The following OCA2 variants were observed in gnomAD, a reference collection of about 807,000 sequenced individuals.
OCA2 encodes OCA2 melanosomal transmembrane protein, also known as P protein.
OCA2 carries 77 observed loss-of-function variants against 100.2 expected under a neutral mutation model. The observed-to-expected ratio is 0.77, with a 90% CI of 0.64 to 0.93. The LOEUF is 0.93. Among genes scored for constraint, OCA2 ranks in the 40% least tolerant of loss-of-function variants. The pLI is 0.00. For synonymous variants in OCA2, 432 were observed against 439.2 expected, an observed-to-expected ratio of 0.98 and a Z score of 0.21; for missense variants, 1,062 against 1,089.1, an observed-to-expected ratio of 0.98 and a Z score of 0.35.
intron 1 of OCA2, among the ~76,000 whole-genome samples, chr15:28,091,361 C>A (rs550813140): frequency 6.6e-6 from 1 of 152,074 alleles, no homozygotes; most frequent in African/African-American, 2.4e-5. Context: ...AGATACAGTA[C>A]AAAGAAAAAA....
At chr15:28,070,292 C>T (rs2044196940) in intron 2 of OCA2, among the ~76,000 whole-genome samples, 1 of 145,190 alleles carries the variant, frequency 6.9e-6, no homozygotes, top group African/African-American at 2.7e-5. Flanking sequence ...CCGGCAGCCA[C>T]CCCGTCCGGG....
chr15:28,001,544 CA>C (rs2041925593), intron 9 of OCA2, among the ~76,000 whole-genome samples: 1 of 152,124 alleles, frequency 6.6e-6, no homozygotes, highest in Admixed American at 6.6e-5. Flanking sequence ...CTACATTTCT[CA>C]TTTAAAACAT....
chr15:27,899,495 A>C (rs539739256), intron 19 of OCA2, among the ~76,000 whole-genome samples: 1 of 152,356 alleles, frequency 6.6e-6, no homozygotes, highest in African/African-American at 2.4e-5. Flanking sequence ...GAAATGTTAG[A>C]AACATTTTAC....
intron 3 of OCA2, among the ~76,000 whole-genome samples, chr15:28,030,871 A>T (rs2042889375): frequency 6.6e-6 from 1 of 152,232 alleles, no homozygotes; most frequent in Non-Finnish European, 1.5e-5. Context: ...CATAAAAGGC[A>T]GCTGTGGCCT....
At chr15:28,057,331 A>G (rs2043733306) in intron 2 of OCA2, among the ~76,000 whole-genome samples, 1 of 152,188 alleles carries the variant, frequency 6.6e-6, no homozygotes, top group South Asian at 2.1e-4. Flanking sequence ...GCTCATGGAA[A>G]TCAACTCTAT....
At chr15:27,995,868 A>C (rs1289574191) in intron 9 of OCA2, among the ~76,000 whole-genome samples, 1 of 148,118 alleles carries the variant, frequency 6.8e-6, no homozygotes, top group Non-Finnish European at 1.5e-5. Context: ...GCTGGAGTGC[A>C]GTGGTACAGT....
At chr15:27,891,614 C>T (rs1399726906) in intron 19 of OCA2, among the ~76,000 whole-genome samples, 2 of 152,204 alleles carry the variant, frequency 1.3e-5, no homozygotes, top group African/African-American at 4.8e-5. Flanking sequence ...TGCATCTCAT[C>T]ACTTGCATGG....
At chr15:27,999,225 A>T (rs2041851691) in intron 9 of OCA2, among the ~76,000 whole-genome samples, 1 of 152,194 alleles carries the variant, frequency 6.6e-6, no homozygotes, top group African/African-American at 2.4e-5. Context: ...ACAAAATACT[A>T]GCAAACTGAA....
At chr15:27,844,449 C>T (rs2035458267) in intron 23 of OCA2, among the ~76,000 whole-genome samples, 1 of 152,248 alleles carries the variant, frequency 6.6e-6, no homozygotes, top group Admixed American at 6.5e-5. Flanking sequence ...TTCCTGGCCC[C>T]CTGACTCAAC....
Position 27,777,588 on chromosome 15 carries a change from G to A in OCA2, c.2433-22116C>T, listed in dbSNP as rs116256212. Among the ~76,000 whole-genome samples, 1,299 of 152,278 alleles carry A rather than the reference G, an allele frequency of 8.5e-3. 17 individuals carry two copies. Among genetic ancestry groups the A allele is most frequent in the African/African-American group, 0.028 (1,179 of 41,552 alleles). Reference sequence around the variant, plus strand: ...GAAATGCTGTTTGGCTTGTCCATGTGCACACATTTTTTATTCACATGCACA... The same window carrying A: ...GAAATGCTGTTTGGCTTGTCCATGTACACACATTTTTTATTCACATGCACA... On this transcript the variant is annotated intron_variant, in intron 23 of 23. Transcript: ENST00000354638.
rs117288193 is a variant in OCA2, at chr15:27,934,855, G to A, written c.1952-8601C>T. Reference sequence around the variant, plus strand: ...TAGCCTACAATCGAATGAAGACCTTGTCCCTGCAAAACCTCAATTCCCTCT... The same window carrying A: ...TAGCCTACAATCGAATGAAGACCTTATCCCTGCAAAACCTCAATTCCCTCT... On this transcript the variant is annotated intron_variant, in intron 18 of 23. Transcript: ENST00000354638. 3.0e-3 allele frequency among the ~76,000 whole-genome samples: 463 copies of A among 152,304 alleles called. 1 individual carries two copies. Among genetic ancestry groups the A allele is most frequent in the Non-Finnish European group, 5.4e-3 (364 of 68,026 alleles).
chr15:27,991,495 A>T (rs970544288), intron 9 of OCA2, among the ~76,000 whole-genome samples: 1 of 152,226 alleles, frequency 6.6e-6, no homozygotes, highest in Non-Finnish European at 1.5e-5. Context: ...GGGTCGGTCC[A>T]TCTATATGAA....
intron 19 of OCA2, among the ~76,000 whole-genome samples, chr15:27,920,385 C>T (rs1312106265): frequency 1.3e-5 from 2 of 152,102 alleles, no homozygotes; most frequent in Non-Finnish European, 2.9e-5. Context: ...CAAAGAAGGA[C>T]ATTTTATTAT....
intron 19 of OCA2, among the ~76,000 whole-genome samples, chr15:27,898,833 A>AT (rs2151635574): frequency 6.6e-6 from 1 of 152,344 alleles, no homozygotes; most frequent in East Asian, 1.9e-4. Flanking sequence ...TCTTAATAAA[A>AT]TTATCCTAGC....
rs569162357 is a variant in OCA2, at chr15:27,767,041, G to A, written c.2433-11569C>T. 3.3e-5 allele frequency among the ~76,000 whole-genome samples: 5 copies of A among 152,180 alleles called. No individual in the cohort carries two copies. In the South Asian group the frequency reaches 1.0e-3, roughly 32 times the overall value. On this transcript the variant is annotated intron_variant, in intron 23 of 23. Transcript: ENST00000354638. ...CCCAGTTCCCAAATACCGGCCTCTG[G>A]AGTTGGGCTACATGGCTTCTCCCTT...
At chr15:27,970,536 G>A (rs534658108) in intron 14 of OCA2, among the ~76,000 whole-genome samples, 1 of 151,096 alleles carries the variant, frequency 6.6e-6, no homozygotes, top group Non-Finnish European at 1.5e-5. Context: ...GTGGGAAAAT[G>A]TAAAGAATGT....
intron 19 of OCA2, among the ~76,000 whole-genome samples, chr15:27,922,680 G>GGTGT (rs60426286): frequency 0.024 from 3,475 of 147,112 alleles, 39 homozygotes; most frequent in Non-Finnish European, 0.029. Context: ...TTTTGTTTGG[G>GGTGT]GTGTGTGTGT....
At chr15:27,960,693 G>A (rs919554950) in intron 15 of OCA2, among the ~76,000 whole-genome samples, 5 of 152,044 alleles carry the variant, frequency 3.3e-5, no homozygotes, top group South Asian at 2.1e-4. Context: ...ACCTGAGGTC[G>A]GGAGTTCGAG....
chr15:28,022,219 T>C (rs991125036), intron 6 of OCA2, among the ~76,000 whole-genome samples: 2 of 151,706 alleles, frequency 1.3e-5, no homozygotes, highest in Admixed American at 6.6e-5. Context: ...AGGAAAGGAG[T>C]ATCGGGGAGC....
Sources: allele counts gnomAD v4.1 joint callset (sites outside exome capture counted in the v4.1 genomes callset), GRCh38; gene constraint gnomAD v4.1.1; transcripts MANE v1.5; gene names NCBI Gene and HGNC (gene_info 2026-07-23, HGNC 2026-07-21).